SCFD1: variants seen among roughly 807,000 people sequenced by gnomAD.
SCFD1 encodes sec1 family domain-containing protein 1.
Under a neutral mutation model 103.2 loss-of-function variants are expected in SCFD1, and 37 were observed. The observed-to-expected ratio is 0.36, with a 90% CI of 0.28 to 0.47. SCFD1 has a LOEUF of 0.47. Among genes scored for constraint, SCFD1 ranks in the 20% least tolerant of loss-of-function variants. SCFD1 has a pLI of 1.00. For synonymous variants in SCFD1, 264 were observed against 245.0 expected (o/e 1.08, Z -0.73); for missense variants, 639 against 761.2 (o/e 0.84, Z 1.89).
intron 10 of SCFD1, among the ~76,000 whole-genome samples, chr14:30,669,389 A>G (rs1566616329): frequency 6.6e-6 from 1 of 152,052 alleles, no homozygotes; most frequent in Admixed American, 6.6e-5. Context: ...ATCTTTCACT[A>G]TTCTTTAGTT....
At chr14:30,696,565 A>G (rs540355797) in intron 15 of SCFD1, among the ~76,000 whole-genome samples, 1 of 152,356 alleles carries the variant, frequency 6.6e-6, no homozygotes, top group Admixed American at 6.5e-5. Flanking sequence ...GAACCTGAGC[A>G]AGATGACTAA....
chr14:30,625,606 TATA>T (rs1883318188), intron 1 of SCFD1, among the ~76,000 whole-genome samples: 1 of 66,694 alleles, frequency 1.5e-5, no homozygotes, highest in African/African-American at 5.3e-5. Flanking sequence ...TTGTTATAGG[TATA>T]GGTATACCTA....
chr14:30,648,592 C>T (rs1471814084), intron 7 of SCFD1, among the ~76,000 whole-genome samples: 3 of 151,932 alleles, frequency 2.0e-5, no homozygotes, highest in African/African-American at 4.8e-5. Flanking sequence ...TAATGTGAAA[C>T]CTGTGAGTAG....
intron 10 of SCFD1, chr14:30,669,899 G>T: frequency 5.7e-6 from 1 of 174,418 alleles, no homozygotes; most frequent in Non-Finnish European, 1.2e-5. Flanking sequence ...TACAGAAAGA[G>T]CTGTAAAATG....
At chr14:30,735,397 G>T (rs148404760) in intron 24 of SCFD1, among the ~76,000 whole-genome samples, 189 bp from the exon 25 acceptor site, 12 of 152,250 alleles carry the variant, frequency 7.9e-5, no homozygotes, top group Middle Eastern at 3.4e-3. Flanking sequence ...AGGATTACAG[G>T]CATGAGCCAC....
At chr14:30,724,384 C>T (rs1351755337) in intron 23 of SCFD1, among the ~76,000 whole-genome samples, 1 of 150,336 alleles carries the variant, frequency 6.7e-6, no homozygotes, top group African/African-American at 2.5e-5. Context: ...TCTCAAGTAG[C>T]TGAGATTACA....
chr14:30,727,433 CTG>C (rs1473581276), intron 23 of SCFD1, among the ~76,000 whole-genome samples: 1 of 152,184 alleles, frequency 6.6e-6, no homozygotes, highest in Non-Finnish European at 1.5e-5. Context: ...TAGAATTATT[CTG>C]TGTTTATCCT....
At chr14:30,639,319 A>C (rs1885040025) in intron 5 of SCFD1, among the ~76,000 whole-genome samples, 1 of 152,122 alleles carries the variant, frequency 6.6e-6, no homozygotes, top group South Asian at 2.1e-4. Context: ...GTGTATTTCA[A>C]ATAGTTCTCT....
At chr14:30,694,735 A>G (rs1890574203) in intron 14 of SCFD1, 38 bp from the exon 15 acceptor site, 2 of 1,547,258 alleles carry the variant, frequency 1.3e-6, no homozygotes, top group African/African-American at 1.4e-5. Flanking sequence ...TATTTTAATG[A>G]CTTAATATAT....
chr14:30,690,807 G>A (rs1201098360), intron 14 of SCFD1, among the ~76,000 whole-genome samples: 1 of 152,170 alleles, frequency 6.6e-6, no homozygotes, highest in African/African-American at 2.4e-5. Flanking sequence ...GACCGGAGCT[G>A]TTCCTATTCG....
intron 5 of SCFD1, among the ~76,000 whole-genome samples, chr14:30,639,494 C>T (rs1032396363): frequency 6.6e-6 from 1 of 152,178 alleles, no homozygotes; most frequent in African/African-American, 2.4e-5. Context: ...CCATTCCCAT[C>T]ACAACCACAA....
chr14:30,703,675 CTT>C (rs1190268077), intron 17 of SCFD1, among the ~76,000 whole-genome samples: 1 of 150,228 alleles, frequency 6.7e-6, no homozygotes, highest in Non-Finnish European at 1.5e-5. Flanking sequence ...GTAGTTATCT[CTT>C]GAGTGCTGAG....
chr14:30,673,535 T>A (rs188118895), intron 12 of SCFD1, among the ~76,000 whole-genome samples, 188 bp downstream of exon 12: 1 of 152,302 alleles, frequency 6.6e-6, no homozygotes, highest in Admixed American at 6.5e-5. Flanking sequence ...TAATATATGA[T>A]TTGAAAAAAT....
intron 10 of SCFD1, among the ~76,000 whole-genome samples, chr14:30,665,258 A>G (rs1887837767): frequency 6.6e-6 from 1 of 152,232 alleles, no homozygotes; most frequent in Non-Finnish European, 1.5e-5. Context: ...AAAGAAAAGA[A>G]TTTTCAACTC....
chr14:30,693,649 G>T (rs1410089427), intron 14 of SCFD1, among the ~76,000 whole-genome samples: 1 of 152,060 alleles, frequency 6.6e-6, no homozygotes, highest in East Asian at 1.9e-4. Flanking sequence ...TCCTCAATTG[G>T]CTATTTATTT....
rs1047556771 is a variant in SCFD1, at chr14:30,631,592, T to G, written c.221+1027T>G. Among the ~76,000 whole-genome samples, 17 of 152,162 alleles carry G rather than the reference T, an allele frequency of 1.1e-4. 1 individual carries two copies. Among genetic ancestry groups the G allele is most frequent in the African/African-American group, 1.9e-4 (8 of 41,438 alleles). Reference sequence around the variant, plus strand: ...AAAAAAGGAATATCTAATTAATCATTAATATGAAAAATTTAAGTGACTATG... The same window carrying G: ...AAAAAAGGAATATCTAATTAATCATGAATATGAAAAATTTAAGTGACTATG... On this transcript the variant is annotated intron_variant, in intron 3 of 24. Coordinates refer to ENST00000458591, the MANE Select transcript of SCFD1 (RefSeq NM_016106.4).
intron 19 of SCFD1, among the ~76,000 whole-genome samples, chr14:30,712,044 T>C (rs1891917242): frequency 6.9e-6 from 1 of 143,892 alleles, no homozygotes; most frequent in Non-Finnish European, 1.6e-5. Flanking sequence ...TTAGATACAC[T>C]CTGTAGATCA....
At chr14:30,655,763 G>A (rs1428891933) in intron 10 of SCFD1, among the ~76,000 whole-genome samples, 2 of 152,174 alleles carry the variant, frequency 1.3e-5, no homozygotes, top group African/African-American at 2.4e-5. Context: ...ATGGCAAGAC[G>A]TTGTTGTTTA....
intron 14 of SCFD1, among the ~76,000 whole-genome samples, chr14:30,690,789 G>T (rs1469148009): frequency 6.6e-6 from 1 of 152,062 alleles, no homozygotes; most frequent in Non-Finnish European, 1.5e-5. Flanking sequence ...CTCACGCTGG[G>T]AGCTGTAGAC....
Sources: gnomAD v4.1 joint callset for allele counts (sites outside exome capture counted in the v4.1 genomes callset) on GRCh38, gnomAD v4.1.1 for gene constraint, MANE v1.5 for transcripts, NCBI Gene and HGNC (gene_info 2026-07-23, HGNC 2026-07-21) for gene names.